DCC: variants seen among roughly 807,000 people sequenced by gnomAD.
DCC encodes the protein netrin receptor DCC.
DCC carries 58 observed loss-of-function variants against 172.5 expected under a neutral mutation model. That is an observed-to-expected ratio of 0.34 (90% CI 0.27 to 0.42). DCC has a LOEUF of 0.42. Ranked by LOEUF, DCC falls within the 10% of genes least tolerant of loss-of-function variation. DCC has a pLI of 1.00. For missense variants in DCC, 1,740 were observed against 1,791.0 expected, an observed-to-expected ratio of 0.97 and a Z score of 0.51; for synonymous variants, 709 against 644.5, an observed-to-expected ratio of 1.10 and a Z score of -1.52.
At chr18:52,610,329 G>A (rs928891543) in intron 1 of DCC, among the ~76,000 whole-genome samples, 1 of 110,208 alleles carries the variant, frequency 9.1e-6, no homozygotes, top group Non-Finnish European at 1.7e-5. Context: ...GCAGTGAGCC[G>A]AGATGACACC....
intron 2 of DCC, among the ~76,000 whole-genome samples, chr18:52,877,593 G>A (rs2039422482): frequency 6.6e-6 from 1 of 151,918 alleles, no homozygotes; most frequent in South Asian, 2.1e-4. Context: ...TTTAATCCCA[G>A]GTACTTTGGA....
intron 26 of DCC, among the ~76,000 whole-genome samples, chr18:53,495,401 A>AG (rs1269676091): frequency 6.6e-6 from 1 of 151,044 alleles, no homozygotes; most frequent in Non-Finnish European, 1.5e-5. Context: ...AAAAAAAAAA[A>AG]AAAAAGAAAG....
At chr18:52,591,261 G>A (rs2033793873) in intron 1 of DCC, among the ~76,000 whole-genome samples, 1 of 151,654 alleles carries the variant, frequency 6.6e-6, no homozygotes, top group Middle Eastern at 3.4e-3. Context: ...GCTAATTATG[G>A]AAAATAAAAT....
At chr18:53,473,268 G>A (rs1164939707) in intron 25 of DCC, among the ~76,000 whole-genome samples, 1 of 152,154 alleles carries the variant, frequency 6.6e-6, no homozygotes, top group African/African-American at 2.4e-5. Context: ...ATTACTTCAT[G>A]ATAAGGATGT....
rs545680772 is a variant in DCC at position 52,798,373 on chromosome 18, T to G, written c.412+45999T>G. Among the ~76,000 whole-genome samples the G allele has an allele frequency of 3.3e-5, 5 of 152,294 alleles. No homozygotes were observed. In the East Asian group the frequency reaches 9.7e-4, roughly 29 times the overall value. ...GACTGCAGAGGAAGTTTCTTTTCTT[T>G]TTAAAAATGTTTTAAAGACAGAGTC... On this transcript the variant is annotated intron_variant, in intron 2 of 28. Transcript: ENST00000442544.
intron 5 of DCC, among the ~76,000 whole-genome samples, chr18:53,062,563 G>A (rs2042510820): frequency 6.6e-6 from 1 of 152,076 alleles, no homozygotes. Flanking sequence ...CTTTCTCCTA[G>A]GCAAGGTTTT....
intron 2 of DCC, among the ~76,000 whole-genome samples, chr18:52,844,281 A>C (rs1255363486): frequency 1.3e-5 from 2 of 150,588 alleles, no homozygotes; most frequent in Non-Finnish European, 3.0e-5. Flanking sequence ...GTCTGTTAAG[A>C]AGGATGATTG....
intron 7 of DCC, among the ~76,000 whole-genome samples, chr18:53,130,430 T>G (rs1028731782): frequency 1.3e-5 from 2 of 152,122 alleles, no homozygotes; most frequent in African/African-American, 4.8e-5. Context: ...GTATACAGAT[T>G]TTATTTTTCT....
chr18:52,686,321 G>T (rs1324957510), intron 1 of DCC, among the ~76,000 whole-genome samples: 2 of 152,048 alleles, frequency 1.3e-5, no homozygotes, highest in African/African-American at 4.8e-5. Context: ...ATCCCTTTTA[G>T]GCCAGCCTAC....
At chr18:53,310,111 A>C (rs2057249291) in intron 13 of DCC, among the ~76,000 whole-genome samples, 1 of 151,850 alleles carries the variant, frequency 6.6e-6, no homozygotes, top group Non-Finnish European at 1.5e-5. Flanking sequence ...CTACAGAAAC[A>C]CCTGTTGCAT....
chr18:52,385,643 T>TTAGTAGTAG (rs201569864), intron 1 of DCC, among the ~76,000 whole-genome samples: 13,668 of 151,724 alleles, frequency 0.09, 739 homozygotes, highest in Middle Eastern at 0.16. Context: ...GGTAGTAGTG[T>TTAGTAGTAG]TAGTAGTAGT....
intron 2 of DCC, among the ~76,000 whole-genome samples, chr18:52,895,209 C>T (rs1465491267): frequency 2.6e-5 from 4 of 152,218 alleles, no homozygotes; most frequent in African/African-American, 7.2e-5. Flanking sequence ...GTAGGCCCAA[C>T]AAATATCAGC....
At chr18:52,746,358 T>C (rs2036905790) in intron 1 of DCC, among the ~76,000 whole-genome samples, 1 of 152,214 alleles carries the variant, frequency 6.6e-6, no homozygotes. Context: ...TATGACATTT[T>C]CTAATCTCAA....
At chr18:52,804,641 A>T (rs113087004) in intron 2 of DCC, among the ~76,000 whole-genome samples, 6,175 of 152,296 alleles carry the variant, frequency 0.041, 212 homozygotes, top group South Asian at 0.16. Flanking sequence ...ATCTCCGCTT[A>T]CTGCAACCTC....
At chr18:53,250,327 G>A (rs938999705) in intron 12 of DCC, among the ~76,000 whole-genome samples, 5 of 151,928 alleles carry the variant, frequency 3.3e-5, no homozygotes, top group African/African-American at 1.2e-4. Flanking sequence ...AAAAATGAGA[G>A]ATTTTAGTTT....
At chr18:53,079,201 A>G (rs1023264233) in intron 7 of DCC, among the ~76,000 whole-genome samples, 1 of 152,154 alleles carries the variant, frequency 6.6e-6, no homozygotes, top group Non-Finnish European at 1.5e-5. Flanking sequence ...GGAAAAAAGA[A>G]TGGAGAAGAG....
intron 2 of DCC, among the ~76,000 whole-genome samples, chr18:52,805,972 A>T (rs2038076714): frequency 6.6e-6 from 1 of 152,262 alleles, no homozygotes; most frequent in African/African-American, 2.4e-5. Flanking sequence ...ATACATTTGA[A>T]GGAGACAAAC....
intron 2 of DCC, among the ~76,000 whole-genome samples, chr18:52,796,301 A>G (rs902541140): frequency 2.6e-5 from 4 of 151,854 alleles, no homozygotes; most frequent in Non-Finnish European, 4.4e-5. Context: ...TGGGTGTTTT[A>G]TATACCATTT....
At chr18:53,125,912 C>T (rs1418909623) in intron 7 of DCC, among the ~76,000 whole-genome samples, 1 of 152,088 alleles carries the variant, frequency 6.6e-6, no homozygotes, top group East Asian at 1.9e-4. Flanking sequence ...TATACATCTG[C>T]CTGCAGGGAG....
Sources: gnomAD v4.1 joint callset for allele counts (sites outside exome capture counted in the v4.1 genomes callset) on GRCh38, gnomAD v4.1.1 for gene constraint, MANE v1.5 for transcripts, NCBI Gene and HGNC (gene_info 2026-07-23, HGNC 2026-07-21) for gene names.